The following MTUS2 variants were observed in gnomAD, a reference collection of about 807,000 sequenced individuals.
MTUS2 encodes microtubule-associated tumor suppressor candidate 2.
MTUS2 carries 40 observed loss-of-function variants against 114.1 expected under a neutral mutation model. The ratio of observed to expected loss-of-function variants is 0.35; its 90% CI spans 0.27 to 0.46. The LOEUF (loss-of-function observed/expected upper bound fraction) is 0.46, where lower values mean the gene tolerates loss of function less well. MTUS2 is among the 20% of genes least tolerant of loss of function. MTUS2 has a pLI of 1.00. For synonymous variants in MTUS2, 688 were observed against 672.0 expected, an observed-to-expected ratio of 1.02 and a Z score of -0.37; for missense variants, 1,679 against 1,705.4, an observed-to-expected ratio of 0.98 and a Z score of 0.27.
chr13:29,346,204 A>T (rs1197520315), intron 7 of MTUS2, among the ~76,000 whole-genome samples: 1 of 152,040 alleles, frequency 6.6e-6, no homozygotes, highest in Admixed American at 6.6e-5. Context: ...AGCTTGCCCT[A>T]ATGCCACCTG....
At chr13:29,009,020 C>CT (rs985622748) in intron 2 of MTUS2, among the ~76,000 whole-genome samples, 9 of 150,698 alleles carry the variant, frequency 6.0e-5, no homozygotes, top group Middle Eastern at 3.5e-3. Flanking sequence ...CTCTTAGTTT[C>CT]TTTTTTTTGG....
chr13:29,412,702 C>T (rs907381235), intron 8 of MTUS2, among the ~76,000 whole-genome samples: 2 of 152,034 alleles, frequency 1.3e-5, no homozygotes, highest in East Asian at 1.9e-4. Context: ...CCAGCCTGGG[C>T]AACACAGCAA....
chr13:28,881,031 A>C (rs986216699), intron 2 of MTUS2, among the ~76,000 whole-genome samples: 2 of 152,048 alleles, frequency 1.3e-5, no homozygotes, highest in Admixed American at 6.6e-5. Flanking sequence ...TGTTACGTGG[A>C]TATACTGTGT....
Position 28,975,793 on chromosome 13 carries a change from C to T in MTUS2, c.-242-48664C>T, listed in dbSNP as rs142948727. ...TGATTATCTTTGCCTTTTTGAAACT[C>T]AGCTTATTTTTTGCTTTCCATACCA... On this transcript the variant is annotated intron_variant, in intron 2 of 15. Transcript: ENST00000612955. Among the ~76,000 whole-genome samples, 310 of 152,258 alleles carry T rather than the reference C, an allele frequency of 2.0e-3. 1 individual carries two copies. Among genetic ancestry groups the T allele is most frequent in the African/African-American group, 7.3e-3 (305 of 41,534 alleles).
intron 8 of MTUS2, among the ~76,000 whole-genome samples, chr13:29,405,791 A>C (rs1180688115): frequency 7.1e-6 from 1 of 141,330 alleles, no homozygotes; most frequent in Admixed American, 7.4e-5. Context: ...CCCAGGTTGG[A>C]GTGCAGTGGC....
intron 5 of MTUS2, among the ~76,000 whole-genome samples, chr13:29,153,313 A>G (rs1593533886): frequency 1.3e-5 from 2 of 152,198 alleles, no homozygotes; most frequent in African/African-American, 4.8e-5. Flanking sequence ...GGTGACAGAC[A>G]TAACAGAATT....
chr13:29,448,072 T>G (rs1437411263), intron 9 of MTUS2, among the ~76,000 whole-genome samples: 1 of 152,170 alleles, frequency 6.6e-6, no homozygotes, highest in Non-Finnish European at 1.5e-5. Context: ...GGTAGATGTT[T>G]AAGGTTCTCT....
intron 2 of MTUS2, among the ~76,000 whole-genome samples, chr13:28,895,867 A>G (rs991421279): frequency 6.6e-6 from 1 of 152,202 alleles, no homozygotes; most frequent in African/African-American, 2.4e-5. Context: ...CAAAACAGCT[A>G]GTGGTAATTC....
At chr13:29,317,791 G>T (rs1889718) in intron 6 of MTUS2, among the ~76,000 whole-genome samples, 72,601 of 149,200 alleles carry the variant, frequency 0.49, 18,561 homozygotes, top group East Asian at 0.75. Context: ...GATATATTCT[G>T]ATCGAGATAA....
intron 2 of MTUS2, among the ~76,000 whole-genome samples, chr13:28,937,189 A>G (rs1261162001): frequency 6.6e-6 from 1 of 152,180 alleles, no homozygotes; most frequent in Non-Finnish European, 1.5e-5. Flanking sequence ...AAAATGCACC[A>G]ATCAGCACTC....
intron 2 of MTUS2, among the ~76,000 whole-genome samples, chr13:28,922,356 G>A (rs996139144): frequency 3.3e-5 from 5 of 152,134 alleles, no homozygotes; most frequent in African/African-American, 1.2e-4. Flanking sequence ...TGGCCCTGCC[G>A]AGGCCACTGG....
At chr13:28,858,299 C>G (rs1459296643) in intron 2 of MTUS2, among the ~76,000 whole-genome samples, 1 of 152,110 alleles carries the variant, frequency 6.6e-6, no homozygotes, top group Admixed American at 6.5e-5. Flanking sequence ...AGGAATTAAA[C>G]CCATGTCTAA....
At chr13:29,261,773 G>T (rs146725608) in intron 5 of MTUS2, among the ~76,000 whole-genome samples, 56 of 152,214 alleles carry the variant, frequency 3.7e-4, no homozygotes, top group African/African-American at 1.3e-3. Flanking sequence ...TTTCCCCAAG[G>T]TATTAACTAC....
chr13:29,232,285 C>CAG, intron 5 of MTUS2, among the ~76,000 whole-genome samples: 1 of 43,526 alleles, frequency 2.3e-5, no homozygotes, highest in Admixed American at 2.2e-4. Flanking sequence ...CATACACACA[C>CAG]ACACACACAC....
intron 8 of MTUS2, among the ~76,000 whole-genome samples, chr13:29,416,590 A>T (rs1245727098): frequency 6.6e-6 from 1 of 152,076 alleles, no homozygotes; most frequent in Non-Finnish European, 1.5e-5. Context: ...CTCATACACT[A>T]TCCAATGCCT....
chr13:28,912,386 C>G (rs1361017813), intron 2 of MTUS2, among the ~76,000 whole-genome samples: 1 of 152,118 alleles, frequency 6.6e-6, no homozygotes, highest in Non-Finnish European at 1.5e-5. Context: ...ATTCTTGTAG[C>G]AATATCATGC....
rs189487499 is a variant in MTUS2 at position 29,109,669 on chromosome 13, A to G, written c.2644+8699A>G. 2.6e-5 allele frequency among the ~76,000 whole-genome samples: 4 copies of G among 152,322 alleles called. No individual in the cohort carries two copies. The East Asian group carries it at 7.7e-4, about 29-fold the overall frequency. On this transcript the variant is annotated intron_variant, in intron 5 of 15. Transcript: ENST00000612955. ...TTAAACCATCAATAGGGTCGATGGGAGCATCAGATGGAATTAATATCTGCA... is the reference window on the plus strand; with the variant it reads ...TTAAACCATCAATAGGGTCGATGGGGGCATCAGATGGAATTAATATCTGCA...
intron 2 of MTUS2, among the ~76,000 whole-genome samples, chr13:28,932,769 A>G (rs987383454): frequency 3.3e-5 from 5 of 152,196 alleles, no homozygotes; most frequent in African/African-American, 1.2e-4. Context: ...GTGGTAATAG[A>G]GAACTAACAC....
At chr13:28,955,778 G>T (rs533347421) in intron 2 of MTUS2, among the ~76,000 whole-genome samples, 1 of 151,976 alleles carries the variant, frequency 6.6e-6, no homozygotes, top group East Asian at 2.0e-4. Context: ...TGGCACCAGG[G>T]AGAAGTGCCT....
Sources: allele counts gnomAD v4.1 joint callset (sites outside exome capture counted in the v4.1 genomes callset), GRCh38; gene constraint gnomAD v4.1.1; transcripts MANE v1.5; gene names NCBI Gene and HGNC (gene_info 2026-07-23, HGNC 2026-07-21).